Variants in NRG3 observed in about 807,000 individuals in gnomAD.
The protein encoded by NRG3 is pro-neuregulin-3, membrane-bound isoform.
Under a neutral mutation model 66.9 loss-of-function variants are expected in NRG3, and 31 were observed. That is an observed-to-expected ratio of 0.46 (90% CI 0.35 to 0.63). The LOEUF is 0.63. Ranked by LOEUF, NRG3 falls within the 20% of genes least tolerant of loss-of-function variation. NRG3 has a pLI of 0.00. For missense variants in NRG3, 910 were observed against 878.9 expected (o/e 1.04, Z -0.45); for synonymous variants, 393 against 359.4 (o/e 1.09, Z -1.06).
chr10:82,844,671 C>CT (rs35056787), intron 3 of NRG3, among the ~76,000 whole-genome samples: 2,182 of 138,468 alleles, frequency 0.016, 22 homozygotes, highest in Middle Eastern at 0.034. Context: ...CCTCTACAAT[C>CT]TTTTTTTTTT....
chr10:82,009,522 C>G (rs892978646), intron 1 of NRG3, among the ~76,000 whole-genome samples: 14 of 152,178 alleles, frequency 9.2e-5, no homozygotes, highest in Admixed American at 6.5e-4. Flanking sequence ...CCTTACACGA[C>G]TTCCCCTGCC....
chr10:81,988,466 A>G (rs2060610343), intron 1 of NRG3, among the ~76,000 whole-genome samples: 1 of 152,124 alleles, frequency 6.6e-6, no homozygotes, highest in Admixed American at 6.5e-5. Flanking sequence ...TGTTATTATT[A>G]TTGCTAATGC....
chr10:82,644,986 GT>G (rs1223536430), intron 2 of NRG3, among the ~76,000 whole-genome samples: 1 of 152,136 alleles, frequency 6.6e-6, no homozygotes, highest in East Asian at 1.9e-4. Context: ...ATGCCTGCAT[GT>G]TTTTCTGTCA....
chr10:82,492,966 T>G (rs1213837971), intron 2 of NRG3, among the ~76,000 whole-genome samples: 1 of 152,172 alleles, frequency 6.6e-6, no homozygotes, highest in Non-Finnish European at 1.5e-5. Flanking sequence ...CAATAGTAAC[T>G]TCTTTCTTAC....
intron 2 of NRG3, among the ~76,000 whole-genome samples, chr10:82,656,904 A>G (rs2051914196): frequency 6.6e-6 from 1 of 152,020 alleles, no homozygotes; most frequent in Non-Finnish European, 1.5e-5. Flanking sequence ...CCCTGCCCCC[A>G]CCTTGCCAAC....
chr10:81,892,317 A>G (rs563907020), intron 1 of NRG3, among the ~76,000 whole-genome samples: 1 of 152,146 alleles, frequency 6.6e-6, no homozygotes, highest in South Asian at 2.1e-4. Context: ...ATATATATAT[A>G]CATATTCCAA....
chr10:82,649,486 T>TC (rs1491347189), intron 2 of NRG3, among the ~76,000 whole-genome samples: 77 of 100,380 alleles, frequency 7.7e-4, no homozygotes, highest in Non-Finnish European at 1.3e-3. Flanking sequence ...TTTTTTTTTT[T>TC]CTGAGACAGA....
chr10:82,957,832 T>C (rs1238124631), intron 5 of NRG3, among the ~76,000 whole-genome samples: 1 of 152,110 alleles, frequency 6.6e-6, no homozygotes, highest in Non-Finnish European at 1.5e-5. Context: ...TATTTCCAAA[T>C]AAATATTTTC....
At chr10:82,199,073 G>A (rs2074618683) in intron 1 of NRG3, among the ~76,000 whole-genome samples, 1 of 150,060 alleles carries the variant, frequency 6.7e-6, no homozygotes, top group Admixed American at 6.6e-5. Context: ...GGAGGCTGAG[G>A]CAGGAGAATT....
intron 3 of NRG3, among the ~76,000 whole-genome samples, chr10:82,844,806 A>G (rs969620442): frequency 1.3e-5 from 2 of 152,180 alleles, no homozygotes; most frequent in Admixed American, 1.3e-4. Context: ...TGAGTATTAA[A>G]AAAAAAGTCT....
At chr10:82,877,738 T>C (rs1841966738) in intron 4 of NRG3, among the ~76,000 whole-genome samples, 1 of 152,066 alleles carries the variant, frequency 6.6e-6, no homozygotes, top group East Asian at 1.9e-4. Context: ...CAAAAAAGAC[T>C]TAAATTGAAG....
At chr10:82,481,558 A>G (rs756951251) in intron 2 of NRG3, among the ~76,000 whole-genome samples, 1 of 152,228 alleles carries the variant, frequency 6.6e-6, no homozygotes, top group Non-Finnish European at 1.5e-5. Context: ...TTACATATTA[A>G]CATTGCTAAT....
chr10:82,965,168 A>G (rs761243341), intron 6 of NRG3, among the ~76,000 whole-genome samples: 1 of 152,208 alleles, frequency 6.6e-6, no homozygotes, highest in African/African-American at 2.4e-5. Flanking sequence ...GAACTGGGGC[A>G]TCTCCTTATT....
intron 1 of NRG3, among the ~76,000 whole-genome samples, chr10:82,030,304 GGGTGAAGT>G (rs1300016443): frequency 1.4e-4 from 22 of 152,216 alleles, no homozygotes; most frequent in African/African-American, 5.3e-4. Context: ...ACATCACAGT[GGGTGAAGT>G]GGTGATAATG....
intron 2 of NRG3, among the ~76,000 whole-genome samples, chr10:82,623,389 T>C (rs2049177385): frequency 6.6e-6 from 1 of 152,218 alleles, no homozygotes; most frequent in Non-Finnish European, 1.5e-5. Context: ...CCAGAACTAC[T>C]TAGTTCATTT....
At chr10:82,682,352 A>G (rs2054163760) in intron 2 of NRG3, among the ~76,000 whole-genome samples, 1 of 152,094 alleles carries the variant, frequency 6.6e-6, no homozygotes, top group Non-Finnish European at 1.5e-5. Flanking sequence ...GATAGATGAA[A>G]GATAAGATAG....
At chr10:82,725,224 G>A (rs1214549888) in intron 2 of NRG3, among the ~76,000 whole-genome samples, 1 of 152,144 alleles carries the variant, frequency 6.6e-6, no homozygotes, top group African/African-American at 2.4e-5. Context: ...TGGGCTTCTG[G>A]CCAGCATGCT....
chr10:82,896,963 A>G (rs1036584581), intron 4 of NRG3, among the ~76,000 whole-genome samples: 52 of 152,336 alleles, frequency 3.4e-4, no homozygotes, highest in Non-Finnish European at 7.3e-5. Flanking sequence ...CTTCCATTTT[A>G]GTTTGATCCA....
intron 1 of NRG3, chr10:82,225,472 G>A (rs1207280669): frequency 6.6e-6 from 1 of 151,040 alleles, no homozygotes; most frequent in Non-Finnish European, 1.5e-5. Flanking sequence ...AGCAGGTGGA[G>A]GAAATATACC....
Sources: allele counts gnomAD v4.1 joint callset (sites outside exome capture counted in the v4.1 genomes callset), GRCh38; gene constraint gnomAD v4.1.1; transcripts MANE v1.5; gene names NCBI Gene and HGNC (gene_info 2026-07-23, HGNC 2026-07-21).